ART5: variants seen among roughly 807,000 people sequenced by gnomAD.
ART5 encodes ecto-ADP-ribosyltransferase 5.
In ART5, 22 loss-of-function variants were observed where a neutral mutation model predicts 25.0. The ratio of observed to expected loss-of-function variants is 0.88; its 90% confidence interval spans 0.63 to 1.26. The LOEUF is 1.26. ART5 is among the 50% of genes most tolerant of loss of function. The pLI is 0.00. For synonymous variants in ART5, 161 were observed against 154.8 expected (o/e 1.04, Z -0.30); for missense variants, 402 against 372.8 (o/e 1.08, Z -0.64).
In ART5 at chr11:3,641,789, A is replaced by T. The variant is rs752230287; in HGVS notation, c.57+17T>A. ...TTAATGTCCCCCTTGGGGCTAGGAGATGGTTCCTGGAGTTACCTGCCAGGT... is the reference window on the plus strand; with the variant it reads ...TTAATGTCCCCCTTGGGGCTAGGAGTTGGTTCCTGGAGTTACCTGCCAGGT... On this transcript the variant is annotated intron_variant, in intron 1 of 3. Transcript: ENST00000397068. 3 of 1,571,078 alleles carry T rather than the reference A, an allele frequency of 1.9e-6. No individual in the cohort carries two copies. Among genetic ancestry groups the T allele is most frequent in the South Asian group, 1.2e-5 (1 of 85,428 alleles).
chr11:3,639,600 T>A, intron 2 of ART5, 42 bp downstream of exon 2: 1 of 1,556,442 alleles, frequency 6.4e-7, no homozygotes, highest in Non-Finnish European at 8.7e-7. Context: ...CTGGCTTATT[T>A]CACCCACACT....
chr11:3,638,604 T>C lies in ART5; in HGVS notation c.*134A>G. The C allele has an allele frequency of 9.1e-7, 1 of 1,101,074 alleles. No individual in the cohort carries two copies. Among genetic ancestry groups the C allele is most frequent in the Non-Finnish European group, 1.4e-6 (1 of 732,674 alleles). 68.2% of individuals were successfully genotyped at this position (1,101,074 alleles called of 1,614,324 possible). ...CCGTTCAATCAAGTGGCTGCCTCAG[T>C]ACTTTCCTTGCTTGTCCCAGGAAGT... On this transcript the variant is annotated 3_prime_UTR_variant, in exon 4 of 4. Coordinates refer to ENST00000397068, the MANE Select transcript of ART5 (RefSeq NM_053017.5).
At chr11:3,641,748 C>A in intron 1 of ART5, 58 bp downstream of exon 1, 1 of 1,551,488 alleles carries the variant, frequency 6.4e-7, no homozygotes, top group Non-Finnish European at 8.7e-7. Context: ...GGGTCCACTT[C>A]CTCAGGGTCT....
upstream of ART5, chr11:3,642,202 G>A (rs1159597053): frequency 6.8e-6 from 8 of 1,173,854 alleles, no homozygotes; most frequent in South Asian, 5.4e-5. Flanking sequence ...AGCCGCCAGC[G>A]GGAGGGAGCG....
chr11:3,641,994 G>A (rs115012337), upstream of ART5: 794,448 of 1,474,200 alleles, frequency 0.54, 218,937 homozygotes, highest in South Asian at 0.59. Flanking sequence ...TCCAGGATTA[G>A]GGCCCCGGCG....
chr11:3,641,667 T>G, intron 1 of ART5, 139 bp downstream of exon 1: 2 of 1,441,964 alleles, frequency 1.4e-6, no homozygotes, highest in Non-Finnish European at 9.3e-7. Flanking sequence ...TGGAGGTTCC[T>G]GAGAGGAAGA....
chr11:3,638,954 G>A, intron 3 of ART5, 49 bp downstream of exon 3: 1 of 1,569,312 alleles, frequency 6.4e-7, no homozygotes. Context: ...GGGGTCAGCA[G>A]GGTGAGGGGG....
At chr11:3,642,340 G>T (rs978648407), upstream of ART5, 29 of 987,574 alleles carry the variant, frequency 2.9e-5, no homozygotes, top group Non-Finnish European at 3.4e-5. Flanking sequence ...CGCCGCACGC[G>T]GGGCCGGGAG....
upstream of ART5, chr11:3,642,214 C>T (rs961921571): frequency 1.0e-4 from 118 of 1,154,754 alleles, no homozygotes; most frequent in East Asian, 1.5e-4. Flanking sequence ...GAGGGAGCGC[C>T]GAGGGCTCTG....
chr11:3,639,065 C>CACAGCAGG lies in ART5; in HGVS notation c.788-31_788-30insCCTGCTGT, dbSNP rs749307838. ...AACAGACAGCAGGGTGAGGCCTCCG[C>CACAGCAGG]GTGGACAGACTCGCACCCAAACTGC... On this transcript the variant is annotated intron_variant, in intron 2 of 3. Transcript: ENST00000397068. The CACAGCAGG allele has an allele frequency of 3.3e-5, 51 of 1,549,728 alleles. No individual in the cohort carries two copies. The South Asian group carries it at 5.7e-4, about 17-fold the overall frequency.
At chr11:3,641,706 T>TC in intron 1 of ART5, 100 bp downstream of exon 1, 1 of 1,526,704 alleles carries the variant, frequency 6.6e-7, no homozygotes, top group Non-Finnish European at 8.9e-7. Context: ...TAGGGAAGAG[T>TC]CCCTGGGAGA....
chr11:3,639,703 G>C lies in ART5; in HGVS notation c.726C>G (p.Ser242Arg). 6.2e-7 allele frequency: 1 copy of C among 1,614,028 alleles called. No homozygotes were observed. Among genetic ancestry groups the C allele is most frequent in the Non-Finnish European group, 8.5e-7 (1 of 1,180,030 alleles). The change falls in exon 2 of 4, where the codon AGC (serine) becomes AGG (arginine). Residue 242 changes from serine (S) to arginine (R), a missense_variant. Coordinates refer to ENST00000397068, the MANE Select transcript of ART5 (RefSeq NM_053017.5). ...VTRFSQDGAQ[S>R]LVTLWSYNQT... is the part of the protein sequence containing the mutation. ...GATTATAGCTCCAGAGAGTCACCAA[G>C]CTCTGGGCTCCATCCTGAGAGAATC...
rs1406068568 is a variant in ART5 at position 3,639,689 on chromosome 11, CAG to C, written c.738_739del (p.Trp247GlufsTer3). 2 of 1,613,848 alleles carry C rather than the reference CAG, an allele frequency of 1.2e-6. No individual in the cohort carries two copies. Among genetic ancestry groups the C allele is most frequent in the Admixed American group, 1.7e-5 (1 of 60,006 alleles). ...ATGGCTACAGGTCTGATTATAGCTC[CAG>C]AGAGTCACCAAGCTCTGGGCTCCAT... On this transcript the variant is annotated frameshift_variant, in exon 2 of 4. Coordinates refer to ENST00000397068, the MANE Select transcript of ART5 (RefSeq NM_053017.5). LOFTEE classifies it high-confidence loss of function.
In ART5 at chr11:3,638,697, G is replaced by A. The variant is rs374196559; in HGVS notation, c.*41C>T. The A allele has an allele frequency of 1.2e-6, 2 of 1,613,412 alleles. No individual in the cohort carries two copies. Among genetic ancestry groups the A allele is most frequent in the Non-Finnish European group, 1.7e-6 (2 of 1,179,380 alleles). ...CCCAGGCCAACATCCTGGTTGGGGA[G>A]AAGGCTGCTAGGGCTGGGTCCGGAA... On this transcript the variant is annotated 3_prime_UTR_variant, in exon 4 of 4. Coordinates refer to ENST00000397068, the MANE Select transcript of ART5 (RefSeq NM_053017.5).
At chr11:3,642,110 G>C (rs1565032074), upstream of ART5, 4 of 1,376,780 alleles carry the variant, frequency 2.9e-6, no homozygotes, top group East Asian at 1.1e-4. Flanking sequence ...GGACCTTTCC[G>C]AGACTGTAAA....
chr11:3,641,266 G>A (rs889147663), intron 1 of ART5, among the ~76,000 whole-genome samples: 20 of 152,186 alleles, frequency 1.3e-4, no homozygotes, highest in Non-Finnish European at 4.4e-5. Context: ...TGTAAGATCT[G>A]GCAGGCAGGT....
intron 3 of ART5, 56 bp from the exon 4 acceptor site, chr11:3,638,849 A>T (rs1229752931): frequency 5.6e-6 from 9 of 1,613,914 alleles, no homozygotes; most frequent in South Asian, 5.5e-5. Context: ...GGAACTCTCC[A>T]GGGGCCAAGA....
chr11:3,641,094 T>C (rs576418320), intron 1 of ART5, among the ~76,000 whole-genome samples: 1 of 152,304 alleles, frequency 6.6e-6, no homozygotes, highest in African/African-American at 2.4e-5. Flanking sequence ...GCAAGTGTCA[T>C]AACTTTTCTG....
At chr11:3,639,542 AC>A in intron 2 of ART5, 99 bp downstream of exon 2, 15 of 1,487,714 alleles carry the variant, frequency 1.0e-5, no homozygotes, top group Non-Finnish European at 1.3e-5. Context: ...TTCCCCTTTA[AC>A]CAAGTGGGTC....
Sources: allele counts gnomAD v4.1 joint callset (sites outside exome capture counted in the v4.1 genomes callset), GRCh38; gene constraint gnomAD v4.1.1; transcripts MANE v1.5; gene names NCBI Gene and HGNC (gene_info 2026-07-23, HGNC 2026-07-21).